Variants in CELF2 observed in about 807,000 individuals in gnomAD.
CELF2 encodes the protein CUGBP Elav-like family member 2, also known as CUG triplet repeat RNA-binding protein 2.
CELF2 carries 8 observed loss-of-function variants against 62.6 expected under a neutral mutation model. That is an observed-to-expected ratio of 0.13 (90% CI 0.07 to 0.23). The LOEUF (loss-of-function observed/expected upper bound fraction) is 0.23, where lower values mean the gene tolerates loss of function less well. Ranked by LOEUF, CELF2 falls within the 10% of genes least tolerant of loss-of-function variation. The pLI, the probability that CELF2 is intolerant of heterozygous loss-of-function variation, is 1.00. For missense variants in CELF2, 333 were observed against 671.0 expected (o/e 0.50, Z 5.56); for synonymous variants, 258 against 250.0 (o/e 1.03, Z -0.30).
the CELF2 span, among the ~76,000 whole-genome samples, chr10:10,637,074 C>T: frequency 6.6e-6 from 1 of 152,116 alleles, no homozygotes; most frequent in South Asian, 2.1e-4. Flanking sequence ...CTCATGGTTA[C>T]ACAGCTCTTA....
intron 1 of CELF2, among the ~76,000 whole-genome samples, chr10:10,799,050 A>G (rs1337533388): frequency 6.6e-6 from 1 of 152,136 alleles, no homozygotes; most frequent in East Asian, 1.9e-4. Context: ...AAGCCTTGGC[A>G]ATGAGGGAGG....
chr10:10,531,527 A>T, the CELF2 span, among the ~76,000 whole-genome samples: 10 of 152,100 alleles, frequency 6.6e-5, no homozygotes, highest in Admixed American at 5.9e-4. Context: ...CTGACTTCAC[A>T]TCCTATTCTG....
chr10:11,202,387 GA>G (rs1263976004), intron 2 of CELF2, among the ~76,000 whole-genome samples: 1 of 152,172 alleles, frequency 6.6e-6, no homozygotes, highest in Non-Finnish European at 1.5e-5. Context: ...AGAAAGGATG[GA>G]AAAGTTGTCC....
At position 11,270,620 on chromosome 10, in the gene CELF2, G is replaced by C. The variant is rs200039738; in HGVS notation, c.619-46G>C. ...GTGCTGAGTGTCGTGAGCGGATTCCGCCAGCCTGTAACCCCCTCTCCACTT... is the reference window on the plus strand; with the variant it reads ...GTGCTGAGTGTCGTGAGCGGATTCCCCCAGCCTGTAACCCCCTCTCCACTT... On this transcript the variant is annotated intron_variant, in intron 6 of 12. Coordinates refer to ENST00000633077, the MANE Select transcript of CELF2 (RefSeq NM_001326342.2). This position sits in a 1 kb window ranked among gnomAD's most constrained non-coding sequence, Gnocchi z 5.8. 2.9e-6 allele frequency: 4 copies of C among 1,373,722 alleles called. No individual in the cohort carries two copies. The highest frequency in any genetic ancestry group is 9.5e-7 in the Non-Finnish European group (1 of 1,050,474). 85.1% of individuals were successfully genotyped at this position (1,373,722 alleles called of 1,614,324 possible).
chr10:10,608,309 G>T, the CELF2 span, among the ~76,000 whole-genome samples: 24 of 152,266 alleles, frequency 1.6e-4, no homozygotes, highest in South Asian at 5.0e-3. Context: ...AAGCGTTTTT[G>T]AACACCAGAA....
At chr10:10,551,553 T>G in the CELF2 span, among the ~76,000 whole-genome samples, 1 of 152,068 alleles carries the variant, frequency 6.6e-6, no homozygotes, top group Non-Finnish European at 1.5e-5. Context: ...TCATAGGATT[T>G]TTATAAGGAC....
chr10:10,904,113 T>C (rs2063145343), intron 1 of CELF2, among the ~76,000 whole-genome samples: 1 of 152,252 alleles, frequency 6.6e-6, no homozygotes, highest in African/African-American at 2.4e-5. Flanking sequence ...CCATGGAATA[T>C]TTTATTCATC....
the CELF2 span, among the ~76,000 whole-genome samples, chr10:10,697,583 T>C: frequency 6.6e-6 from 1 of 152,196 alleles, no homozygotes; most frequent in African/African-American, 2.4e-5. Context: ...GTCAAGACAC[T>C]GACGGATGTA....
chr10:11,066,275 C>T (rs1304721832), intron 1 of CELF2, among the ~76,000 whole-genome samples: 1 of 152,018 alleles, frequency 6.6e-6, no homozygotes, highest in Non-Finnish European at 1.5e-5. Flanking sequence ...TTTCTGGAAC[C>T]ACACCTTTTT....
the CELF2 span, among the ~76,000 whole-genome samples, chr10:10,655,029 T>C: frequency 2.2e-4 from 32 of 147,802 alleles, no homozygotes; most frequent in African/African-American, 7.5e-4. Flanking sequence ...AGTCTCAGGA[T>C]ACAAAATCAA....
intron 1 of CELF2, among the ~76,000 whole-genome samples, chr10:11,137,707 C>G (rs987984697): frequency 4.6e-5 from 7 of 152,210 alleles, no homozygotes; most frequent in African/African-American, 1.7e-4. Flanking sequence ...TATTAATTTG[C>G]CTTTCCCTGA....
Position 11,241,715 on chromosome 10 carries a change from A to G in CELF2, c.355-7438A>G, listed in dbSNP as rs191312196. The stretch of plus-strand genomic sequence containing the variant: ...TCCCCATCTCTGCTATCAGGAGCAT[A>G]ATAGAACAGTGGCTGGAATTAGAGT... On this transcript the variant is annotated intron_variant, in intron 3 of 12. Coordinates refer to ENST00000633077, the MANE Select transcript of CELF2 (RefSeq NM_001326342.2). 2.6e-5 allele frequency among the ~76,000 whole-genome samples: 4 copies of G among 152,276 alleles called. No homozygotes were observed. The East Asian group carries it at 5.8e-4, about 22-fold the overall frequency.
intron 1 of CELF2, among the ~76,000 whole-genome samples, chr10:11,099,050 G>T (rs1042601335): frequency 6.6e-6 from 1 of 152,204 alleles, no homozygotes; most frequent in African/African-American, 2.4e-5. Flanking sequence ...GTCGTCCTGG[G>T]GGCCATGAGA....
the CELF2 span, among the ~76,000 whole-genome samples, chr10:10,571,948 T>C: frequency 6.6e-6 from 1 of 152,088 alleles, no homozygotes; most frequent in Non-Finnish European, 1.5e-5. Flanking sequence ...ACAGCAATAC[T>C]CTTATTGCTG....
chr10:10,469,376 A>G, the CELF2 span, among the ~76,000 whole-genome samples: 1 of 151,894 alleles, frequency 6.6e-6, no homozygotes, highest in Non-Finnish European at 1.5e-5. Flanking sequence ...AACATCCTTG[A>G]CATGTTCCCA....
rs2046437248 is a variant in CELF2, at chr10:10,936,767, C to T, written c.89+16768C>T. ...GAAACAAGTGTCGATGCTGGCATAT[C>T]ACAGTGTAGAATGGTGCTCCTCAAA... On this transcript the variant is annotated intron_variant, in intron 2 of 13. Coordinates refer to the CELF2 transcript ENST00000636488. This position sits in a 1 kb window ranked among gnomAD's most constrained non-coding sequence, Gnocchi z 4.0. 6.6e-6 allele frequency: 1 copy of T among 152,206 alleles called. No individual in the cohort carries two copies. The highest frequency in any genetic ancestry group is 2.1e-4 in the South Asian group (1 of 4,822). 9.4% of individuals were successfully genotyped at this position (152,206 alleles called of 1,614,324 possible).
rs920192961 is a variant in CELF2 at position 11,325,377 on chromosome 10, C to T, written c.1295-459C>T. Among the ~76,000 whole-genome samples, 3 of 152,230 alleles carry T rather than the reference C, an allele frequency of 2.0e-5. 1 individual carries two copies. In the South Asian group the frequency reaches 6.2e-4, roughly 31 times the overall value. On this transcript the variant is annotated intron_variant, in intron 11 of 12. Transcript: ENST00000633077. ...AAAACTAGGCAAATGATAGAGAAAT[C>T]GGAGCAGCATTACTGCTACATCCAT...
At chr10:10,978,416 A>G (rs1478901940) in intron 2 of CELF2, among the ~76,000 whole-genome samples, 1 of 152,154 alleles carries the variant, frequency 6.6e-6, no homozygotes, top group East Asian at 1.9e-4. Context: ...TTTCATTTAC[A>G]TTTATGCTTT....
intron 3 of CELF2, 41 bp from the exon 4 acceptor site, chr10:11,249,112 T>C (rs751484998): frequency 6.6e-7 from 1 of 1,526,152 alleles, no homozygotes; most frequent in South Asian, 1.1e-5. Context: ...ATTTTTACAG[T>C]TGTTCAATCT....
Sources: allele counts gnomAD v4.1 joint callset (sites outside exome capture counted in the v4.1 genomes callset), GRCh38; gene constraint gnomAD v4.1.1; non-coding constraint Gnocchi (gnomAD v3.1); transcripts MANE v1.5; gene names NCBI Gene and HGNC (gene_info 2026-07-23, HGNC 2026-07-21).